The following NTSR1 variants were observed in gnomAD, a reference collection of about 807,000 sequenced individuals.
The protein encoded by NTSR1 is neurotensin receptor type 1.
A neutral mutation model predicts 31.2 loss-of-function variants in NTSR1; 29 were observed. The observed-to-expected ratio is 0.93, with a 90% confidence interval of 0.69 to 1.27. The LOEUF (loss-of-function observed/expected upper bound fraction) is 1.27. NTSR1 is among the 50% of genes most tolerant of loss of function. The pLI is 0.00. For missense variants in NTSR1, 697 were observed against 595.4 expected (o/e 1.17, Z -1.78); for synonymous variants, 282 against 269.9 (o/e 1.04, Z -0.44).
chr20:62,709,985 G>A (rs1988576297), intron 1 of NTSR1, 64 bp downstream of exon 1: 2 of 1,301,864 alleles, frequency 1.5e-6, no homozygotes, highest in Middle Eastern at 1.9e-4. Flanking sequence ...TGCCAGTGGT[G>A]TGCCTTCTGG....
chr20:62,746,823 G>A (rs1180557063), intron 1 of NTSR1, among the ~76,000 whole-genome samples: 1 of 152,216 alleles, frequency 6.6e-6, no homozygotes, highest in Admixed American at 6.5e-5. Flanking sequence ...TTGCTTCGCC[G>A]ATGGATGCTA....
intron 1 of NTSR1, among the ~76,000 whole-genome samples, chr20:62,723,647 A>ACTGCC (rs1988859704): frequency 6.6e-6 from 1 of 152,018 alleles, no homozygotes; most frequent in Non-Finnish European, 1.5e-5. Flanking sequence ...TCCCATCACC[A>ACTGCC]CTGCCCTGCC....
chr20:62,724,139 G>A (rs537635627), intron 1 of NTSR1, among the ~76,000 whole-genome samples: 2 of 152,354 alleles, frequency 1.3e-5, no homozygotes. Context: ...CTTTGCCAAA[G>A]TGGCCCAAAC....
Position 62,745,540 on chromosome 20 carries a change from A to T in NTSR1, c.715-9145A>T, listed in dbSNP as rs1388970445. 6.6e-6 allele frequency among the ~76,000 whole-genome samples: 1 copy of T among 152,184 alleles called. No homozygotes were observed. The highest frequency in any genetic ancestry group is 1.5e-5 in the Non-Finnish European group (1 of 68,042). On this transcript the variant is annotated intron_variant, in intron 1 of 3. Coordinates refer to ENST00000370501, the MANE Select transcript of NTSR1 (RefSeq NM_002531.3). The surrounding 1 kb of genome is among the most constrained non-coding windows in gnomAD (Gnocchi z 4.1). The stretch of plus-strand genomic sequence containing the variant: ...GTGAAAGACAGAGACACAGAGGAAA[A>T]CACACAGATATACAGAGAGAGACAC...
rs117007436 is a variant in NTSR1, at chr20:62,750,952, T to C, written c.715-3733T>C. 1.5e-3 allele frequency among the ~76,000 whole-genome samples: 231 copies of C among 152,328 alleles called. 9 individuals are homozygous for C. In the East Asian group the frequency reaches 0.04, roughly 26 times the overall value. Reference sequence around the variant, plus strand: ...GTGCAGTGGCGAAGTCATAGCTCACTGTAGCCTCAAACTCCTGGGCTCAAA... The same window carrying C: ...GTGCAGTGGCGAAGTCATAGCTCACCGTAGCCTCAAACTCCTGGGCTCAAA... On this transcript the variant is annotated intron_variant, in intron 1 of 3. Transcript: ENST00000370501.
At position 62,745,618 on chromosome 20, in the gene NTSR1, AAC is replaced by A. The variant is rs1251366743; in HGVS notation, c.715-9063_715-9062del. 6.7e-6 allele frequency among the ~76,000 whole-genome samples: 1 copy of A among 149,384 alleles called. No homozygotes were observed. Among genetic ancestry groups the A allele is most frequent in the African/African-American group, 2.6e-5 (1 of 39,100 alleles). On this transcript the variant is annotated intron_variant, in intron 1 of 3. Transcript: ENST00000370501. This position sits in a 1 kb window ranked among gnomAD's most constrained non-coding sequence, Gnocchi z 4.1. ...ATACAAGGAGACAGAGACACAGAAA[AAC>A]ACAGAGAAAAACACAGAGACATCAC...
rs1169427574 is a variant in NTSR1, at chr20:62,760,981, C to G, written c.*714C>G. 1.3e-5 allele frequency: 2 copies of G among 152,524 alleles called. No homozygotes were observed. Among genetic ancestry groups the G allele is most frequent in the African/African-American group, 4.8e-5 (2 of 41,470 alleles). 9.4% of individuals were successfully genotyped at this position (152,524 alleles called of 1,614,324 possible). A position where few individuals can be genotyped will look rare whatever the true frequency, so the allele number is the denominator to read the frequency against. On this transcript the variant is annotated 3_prime_UTR_variant, in exon 4 of 4. Transcript: ENST00000370501. ...GGCCCAGACCCCAGCCTCCCCTCCT[C>G]CCTCCCATCCTCACCCAGGCCAAGG...
At chr20:62,740,903 G>A (rs114432908) in intron 1 of NTSR1, among the ~76,000 whole-genome samples, 283 of 152,332 alleles carry the variant, frequency 1.9e-3, no homozygotes, top group African/African-American at 6.6e-3. Flanking sequence ...GTCACCTGCC[G>A]CTGCCTGTGA....
At chr20:62,755,635 CCCTCCCTCCATCCCTGCCTTCATCCAT>C (rs1264831090) in intron 2 of NTSR1, among the ~76,000 whole-genome samples, 1 of 16,406 alleles carries the variant, frequency 6.1e-5, no homozygotes, top group Non-Finnish European at 1.3e-4. Flanking sequence ...ATCCCTCCCT[CCCTCCCTCCATCCCTGCCTTCATCCAT>C]CCTCCCTCCC....
In NTSR1 at chr20:62,715,640, G is replaced by T. The variant is rs946478; in HGVS notation, c.714+5719G>T. 1.9e-3 allele frequency among the ~76,000 whole-genome samples: 284 copies of T among 152,230 alleles called. 2 individuals are homozygous for T. Among genetic ancestry groups the T allele is most frequent in the African/African-American group, 6.5e-3 (272 of 41,534 alleles). On this transcript the variant is annotated intron_variant, in intron 1 of 3. Transcript: ENST00000370501. The surrounding 1 kb of genome is among the most constrained non-coding windows in gnomAD (Gnocchi z 4.7). ...ATTGTGACCCGGGGTCAGCTCTCCC[G>T]GGCTGTCCTGCACTTGGACTGACAG... is the stretch of plus-strand genomic sequence containing the variant.
intron 2 of NTSR1, among the ~76,000 whole-genome samples, chr20:62,755,658 T>G: frequency 1.5e-4 from 1 of 6,730 alleles, no homozygotes; most frequent in South Asian, 0.011. Flanking sequence ...CCTGCCTTCA[T>G]CCATCCTCCC....
rs373388537 is a variant in NTSR1, at chr20:62,734,606, C to T, written c.715-20079C>T. Among the ~76,000 whole-genome samples the T allele has an allele frequency of 5.9e-5, 9 of 152,322 alleles. No homozygotes were observed. The East Asian group carries it at 1.7e-3, about 29-fold the overall frequency. On this transcript the variant is annotated intron_variant, in intron 1 of 3. Transcript: ENST00000370501. ...CTGGTGTGCCTGGCCCAGGTGGCTT[C>T]CCATAAAAGCTGCAGGCAGCCCTGT...
rs764463220 is a variant in NTSR1 at position 62,715,212 on chromosome 20, G to C, written c.714+5291G>C. ...CCGTTCAGATGGTGACTCTGAGGCT[G>C]TGGGGGGTGAGAGGGCAGGACAGGG... On this transcript the variant is annotated intron_variant, in intron 1 of 3. Coordinates refer to ENST00000370501, the MANE Select transcript of NTSR1 (RefSeq NM_002531.3). The surrounding 1 kb of genome is among the most constrained non-coding windows in gnomAD (Gnocchi z 4.7). Among the ~76,000 whole-genome samples, 1 of 152,224 alleles carries C rather than the reference G, an allele frequency of 6.6e-6. No homozygotes were observed. The highest frequency in any genetic ancestry group is 1.5e-5 in the Non-Finnish European group (1 of 68,046).
intron 1 of NTSR1, among the ~76,000 whole-genome samples, chr20:62,750,688 CT>C (rs1989378483): frequency 9.1e-6 from 1 of 110,270 alleles, no homozygotes. Flanking sequence ...GAGACTCCGT[CT>C]CAAAAAAAAA....
At chr20:62,747,901 C>T (rs1463042525) in intron 1 of NTSR1, among the ~76,000 whole-genome samples, 2 of 152,172 alleles carry the variant, frequency 1.3e-5, no homozygotes, top group African/African-American at 4.8e-5. Context: ...GAGGGCCAGG[C>T]GCAGTGGCTG....
rs61742231 is a variant in NTSR1, at chr20:62,709,342, C to T, written c.135C>T (p.Arg45=). ...ACGCTTCGGGCAACGCGTCGGAGCG[C>T]GTCCTGGCGGCACCCAGCAGCGAGC... ...FGNASGNASE[R]VLAAPSSELD... Residue 45 remains arginine, a synonymous_variant, in exon 1 of 4, where the codon CGC becomes CGT. Transcript: ENST00000370501. The T allele has an allele frequency of 1.4e-3, 2,287 of 1,609,706 alleles. 34 individuals carry two copies. In the African/African-American group the frequency reaches 0.026, roughly 18 times the overall value.
At chr20:62,736,602 G>A (rs141942842) in intron 1 of NTSR1, among the ~76,000 whole-genome samples, 15 of 152,318 alleles carry the variant, frequency 9.8e-5, no homozygotes, top group African/African-American at 3.1e-4. Flanking sequence ...CGAGGACTCC[G>A]AGGACTCCGA....
At position 62,739,051 on chromosome 20, in the gene NTSR1, G is replaced by A. The variant is rs998731603; in HGVS notation, c.715-15634G>A. 6.6e-5 allele frequency among the ~76,000 whole-genome samples: 10 copies of A among 151,896 alleles called. 1 individual carries two copies. The highest frequency in any genetic ancestry group is 3.3e-4 in the Admixed American group (5 of 15,226). On this transcript the variant is annotated intron_variant, in intron 1 of 3. Coordinates refer to ENST00000370501, the MANE Select transcript of NTSR1 (RefSeq NM_002531.3). ...GCCATTCATAAAACAGAAAAGCCAA[G>A]CCTCCTCACTGTTGTAAAGGAAAGC...
At chr20:62,712,746 C>T (rs1988640666) in intron 1 of NTSR1, among the ~76,000 whole-genome samples, 1 of 152,252 alleles carries the variant, frequency 6.6e-6, no homozygotes, top group African/African-American at 2.4e-5. Context: ...CCCACCCGCA[C>T]ACGTGGCCCC....
Sources: gnomAD v4.1 joint callset for allele counts (sites outside exome capture counted in the v4.1 genomes callset) on GRCh38, gnomAD v4.1.1 for gene constraint, Gnocchi (gnomAD v3.1) non-coding constraint, MANE v1.5 for transcripts, NCBI Gene and HGNC (gene_info 2026-07-23, HGNC 2026-07-21) for gene names.